Variants in MECOM observed in about 807,000 individuals in gnomAD.
The protein encoded by MECOM is MDS1 and EVI1 complex locus, also known as histone-lysine N-methyltransferase MECOM.
A neutral mutation model predicts 116.3 loss-of-function variants in MECOM; 13 were observed. The observed-to-expected ratio is 0.11, with a 90% CI of 0.07 to 0.18. The LOEUF (loss-of-function observed/expected upper bound fraction) is 0.18, where lower values mean the gene tolerates loss of function less well. Among genes scored for constraint, MECOM ranks in the 10% least tolerant of loss-of-function variants. The pLI, the probability that MECOM is intolerant of heterozygous loss-of-function variation, is 1.00. For missense variants in MECOM, 1,299 were observed against 1,509.0 expected, an observed-to-expected ratio of 0.86 and a Z score of 2.31; for synonymous variants, 528 against 535.2, an observed-to-expected ratio of 0.99 and a Z score of 0.19.
intron 1 of MECOM, among the ~76,000 whole-genome samples, chr3:169,382,965 C>T (rs1179681227): frequency 6.6e-6 from 1 of 151,234 alleles, no homozygotes; most frequent in African/African-American, 2.4e-5. Context: ...GATGCATCAT[C>T]CCTAACTCGT....
intron 2 of MECOM, among the ~76,000 whole-genome samples, chr3:169,372,517 C>T (rs1730310696): frequency 6.6e-6 from 1 of 151,968 alleles, no homozygotes; most frequent in Non-Finnish European, 1.5e-5. Context: ...GTCAGTGCTT[C>T]CATTTCAAAC....
chr3:169,605,402 T>A (rs1053935472), intron 1 of MECOM, among the ~76,000 whole-genome samples: 3 of 152,236 alleles, frequency 2.0e-5, no homozygotes, highest in African/African-American at 7.2e-5. Flanking sequence ...GCTCTTACTC[T>A]TTTTTCTGTA....
intron 2 of MECOM, among the ~76,000 whole-genome samples, chr3:169,190,774 A>C (rs1258028368): frequency 6.6e-6 from 1 of 152,064 alleles, no homozygotes; most frequent in Non-Finnish European, 1.5e-5. Flanking sequence ...GAAGTTTGGA[A>C]TAGATTGTAC....
intron 1 of MECOM, among the ~76,000 whole-genome samples, chr3:169,501,652 C>G (rs1754554709): frequency 6.6e-6 from 1 of 151,994 alleles, no homozygotes; most frequent in Admixed American, 6.6e-5. Context: ...ATGCCGTTGA[C>G]AAGATTTTTA....
intron 4 of MECOM, among the ~76,000 whole-genome samples, chr3:169,129,115 T>C (rs957271285): frequency 6.6e-6 from 1 of 152,192 alleles, no homozygotes; most frequent in Non-Finnish European, 1.5e-5. Flanking sequence ...AGTATTCTTT[T>C]TCTGAAAAGA....
At chr3:169,448,893 A>C (rs1325805960) in intron 1 of MECOM, among the ~76,000 whole-genome samples, 1 of 152,118 alleles carries the variant, frequency 6.6e-6, no homozygotes, top group Non-Finnish European at 1.5e-5. Context: ...TCCATAATAC[A>C]TTTGGCTTCA....
chr3:169,473,281 TTCA>T (rs1484470552), intron 1 of MECOM, among the ~76,000 whole-genome samples: 2 of 152,150 alleles, frequency 1.3e-5, no homozygotes, highest in African/African-American at 4.8e-5. Context: ...TTATCTGGCC[TTCA>T]TCCTAATCCA....
intron 1 of MECOM, among the ~76,000 whole-genome samples, chr3:169,515,527 AT>A (rs901884980): frequency 1.3e-5 from 2 of 152,062 alleles, no homozygotes; most frequent in South Asian, 2.1e-4. Context: ...AAACATGAGA[AT>A]TTTTTTTCAC....
chr3:169,355,346 T>C (rs549626332), intron 2 of MECOM, among the ~76,000 whole-genome samples: 3 of 152,122 alleles, frequency 2.0e-5, no homozygotes, highest in African/African-American at 7.2e-5. Flanking sequence ...ACAATATAAA[T>C]TGAACACAAC....
At chr3:169,291,745 T>G (rs896832598) in intron 2 of MECOM, among the ~76,000 whole-genome samples, 6 of 152,252 alleles carry the variant, frequency 3.9e-5, no homozygotes, top group Admixed American at 3.3e-4. Flanking sequence ...AGTGCATACA[T>G]GCTGATCCAA....
At chr3:169,131,319 C>T in intron 4 of MECOM, 110 bp downstream of exon 4, 2 of 934,152 alleles carry the variant, frequency 2.1e-6, no homozygotes, top group Non-Finnish European at 3.4e-6. Context: ...TTGAAACTGA[C>T]ATTGAAAAGC....
At chr3:169,597,081 A>G (rs1293964997) in intron 1 of MECOM, among the ~76,000 whole-genome samples, 1 of 152,214 alleles carries the variant, frequency 6.6e-6, no homozygotes, top group Non-Finnish European at 1.5e-5. Flanking sequence ...TCAGCCTGAC[A>G]TGGAAAAGTA....
At chr3:169,242,044 T>G (rs1754888318) in intron 2 of MECOM, among the ~76,000 whole-genome samples, 1 of 152,230 alleles carries the variant, frequency 6.6e-6, no homozygotes, top group African/African-American at 2.4e-5. Context: ...ATCTGTCGGC[T>G]AACTGAGCAG....
chr3:169,389,263 G>C (rs1391389156), intron 1 of MECOM, among the ~76,000 whole-genome samples: 1 of 152,216 alleles, frequency 6.6e-6, no homozygotes, highest in Non-Finnish European at 1.5e-5. Flanking sequence ...GAAATTGCTA[G>C]AAAATTCATA....
At chr3:169,224,970 T>A (rs886660693) in intron 2 of MECOM, among the ~76,000 whole-genome samples, 8 of 152,184 alleles carry the variant, frequency 5.3e-5, no homozygotes, top group Non-Finnish European at 1.0e-4. Flanking sequence ...CAATCTTTTT[T>A]AAAAAAATTC....
intron 1 of MECOM, among the ~76,000 whole-genome samples, chr3:169,518,769 AT>A (rs1003025858): frequency 1.3e-5 from 2 of 152,198 alleles, no homozygotes; most frequent in African/African-American, 4.8e-5. Context: ...TGATTGAATT[AT>A]GGAGACAGGT....
In MECOM at chr3:169,616,698, C is replaced by T. The variant is rs146070854; in HGVS notation, c.37+46638G>A. Among the ~76,000 whole-genome samples, 22 of 152,298 alleles carry T rather than the reference C, an allele frequency of 1.4e-4. 2 individuals carry two copies. The East Asian group carries it at 4.0e-3, about 28-fold the overall frequency. On this transcript the variant is annotated intron_variant, in intron 1 of 16. Coordinates refer to ENST00000651503, the MANE Select transcript of MECOM (RefSeq NM_004991.4). Reference sequence around the variant, plus strand: ...AGATTTCGGCTTCACTGAAAGAAAACATTGTTCAAACTACATCACCTACCT... The same window carrying T: ...AGATTTCGGCTTCACTGAAAGAAAATATTGTTCAAACTACATCACCTACCT...
At chr3:169,590,451 A>T (rs182234186) in intron 1 of MECOM, among the ~76,000 whole-genome samples, 1 of 152,354 alleles carries the variant, frequency 6.6e-6, no homozygotes, top group East Asian at 1.9e-4. Context: ...GCCAGTGCAG[A>T]ATGTTCTTCT....
intron 1 of MECOM, among the ~76,000 whole-genome samples, chr3:169,647,836 G>A (rs897728348): frequency 6.6e-6 from 1 of 152,130 alleles, no homozygotes; most frequent in Admixed American, 6.5e-5. Context: ...TGAGGACACT[G>A]AGGCTCAGAG....
Sources: allele counts gnomAD v4.1 joint callset (sites outside exome capture counted in the v4.1 genomes callset), GRCh38; gene constraint gnomAD v4.1.1; transcripts MANE v1.5; gene names NCBI Gene and HGNC (gene_info 2026-07-23, HGNC 2026-07-21).